Variants in ARHGAP24 observed in about 807,000 individuals in gnomAD.
The protein encoded by ARHGAP24 is Rho GTPase activating protein 24.
A neutral mutation model predicts 76.4 loss-of-function variants in ARHGAP24; 50 were observed. That is an observed-to-expected ratio of 0.65 (90% CI 0.52 to 0.83). The LOEUF (loss-of-function observed/expected upper bound fraction) is 0.83, where lower values mean the gene tolerates loss of function less well. Among genes scored for constraint, ARHGAP24 ranks in the 40% least tolerant of loss-of-function variants. ARHGAP24 has a pLI of 0.00. For missense variants in ARHGAP24, 930 were observed against 914.2 expected (o/e 1.02, Z -0.22); for synonymous variants, 345 against 323.3 (o/e 1.07, Z -0.72).
chr4:85,587,106 T>C (rs1363685677), intron 2 of ARHGAP24, among the ~76,000 whole-genome samples: 14 of 152,180 alleles, frequency 9.2e-5, no homozygotes, highest in Admixed American at 9.2e-4. Context: ...TAAAAAGTAC[T>C]CATAGAAACT....
intron 5 of ARHGAP24, among the ~76,000 whole-genome samples, chr4:85,970,794 C>T (rs1738925594): frequency 6.6e-6 from 1 of 152,120 alleles, no homozygotes. Context: ...TTCACTACTA[C>T]TCTTCCCGGT....
chr4:85,654,293 G>A (rs1386351951), intron 2 of ARHGAP24, among the ~76,000 whole-genome samples: 1 of 152,016 alleles, frequency 6.6e-6, no homozygotes, highest in Admixed American at 6.6e-5. Context: ...TCTTCTCTGA[G>A]GACCCAGTCC....
chr4:86,000,325 C>G, intron 9 of ARHGAP24, 154 bp from the exon 10 acceptor site: 1 of 656,794 alleles, frequency 1.5e-6, no homozygotes, highest in Non-Finnish European at 2.7e-6. Context: ...AAAATTACAT[C>G]CTTTAAATCA....
intron 2 of ARHGAP24, among the ~76,000 whole-genome samples, chr4:85,679,592 A>G (rs1231420626): frequency 1.3e-5 from 2 of 152,052 alleles, no homozygotes; most frequent in Admixed American, 6.6e-5. Context: ...GCACCTCCAC[A>G]TTACACATTT....
intron 9 of ARHGAP24, 133 bp downstream of exon 9, chr4:85,995,790 G>A (rs1740628040): frequency 1.1e-6 from 1 of 887,360 alleles, no homozygotes; most frequent in African/African-American, 1.7e-5. Flanking sequence ...TCATTTATGA[G>A]CTTTGTGACT....
At chr4:85,984,252 G>A (rs1342565478) in intron 8 of ARHGAP24, among the ~76,000 whole-genome samples, 1 of 152,204 alleles carries the variant, frequency 6.6e-6, no homozygotes, top group East Asian at 1.9e-4. Context: ...GTGGGTGAGT[G>A]TCTTAGTCCA....
At chr4:85,690,620 C>G (rs2110017326) in intron 2 of ARHGAP24, among the ~76,000 whole-genome samples, 1 of 151,620 alleles carries the variant, frequency 6.6e-6, no homozygotes, top group East Asian at 1.9e-4. Flanking sequence ...ATAGTAGTCT[C>G]TGAGGATCTT....
intron 1 of ARHGAP24, among the ~76,000 whole-genome samples, chr4:85,486,894 G>A (rs114919558): frequency 5.9e-4 from 89 of 151,646 alleles, no homozygotes; most frequent in Non-Finnish European, 1.0e-3. Flanking sequence ...AGTTCCTATC[G>A]CTCCTCCTGA....
In ARHGAP24 at chr4:85,612,324, G is replaced by A. The variant is rs895910829; in HGVS notation, c.180+41603G>A. Reference sequence around the variant, plus strand: ...CCCAGCTACTCGGGAGGCTGAGGCAGGAGAATGGCGTGAACCTAGGAGTTC... The same window carrying A: ...CCCAGCTACTCGGGAGGCTGAGGCAAGAGAATGGCGTGAACCTAGGAGTTC... On this transcript the variant is annotated intron_variant, in intron 2 of 9. Coordinates refer to ENST00000395184, the MANE Select transcript of ARHGAP24 (RefSeq NM_001025616.3). Among the ~76,000 whole-genome samples the A allele has an allele frequency of 7.0e-5, 9 of 128,834 alleles. No individual in the cohort carries two copies. The East Asian group carries it at 3.0e-3, about 44-fold the overall frequency. The allele number at this position is 128,834 out of a possible 152,430, so 84.5% of individuals were successfully genotyped here. A position where few individuals can be genotyped will look rare whatever the true frequency, so the allele number is the denominator to read the frequency against.
chr4:85,759,206 A>G lies in ARHGAP24; in HGVS notation c.268+37234A>G, dbSNP rs1726640455. On this transcript the variant is annotated intron_variant, in intron 3 of 9. Transcript: ENST00000395184. ...GACCCCTTGCATTCAAATCACAAAC[A>G]GTGAAATCATACAATAATAACTTTA... 3.3e-5 allele frequency among the ~76,000 whole-genome samples: 5 copies of G among 152,224 alleles called. No individual in the cohort carries two copies. In the South Asian group the frequency reaches 1.0e-3, roughly 32 times the overall value.
intron 2 of ARHGAP24, among the ~76,000 whole-genome samples, chr4:85,688,624 C>T (rs1723517440): frequency 6.6e-6 from 1 of 152,026 alleles, no homozygotes; most frequent in South Asian, 2.1e-4. Flanking sequence ...CTTTTGAGGA[C>T]TTAGCCAAAA....
intron 3 of ARHGAP24, among the ~76,000 whole-genome samples, chr4:85,905,816 T>C (rs1322518575): frequency 1.3e-5 from 2 of 152,142 alleles, no homozygotes; most frequent in African/African-American, 2.4e-5. Flanking sequence ...CAAAAAAAAC[T>C]TTATATGCTT....
intron 1 of ARHGAP24, among the ~76,000 whole-genome samples, chr4:85,476,837 C>T (rs1722618958): frequency 6.6e-6 from 1 of 151,956 alleles, no homozygotes; most frequent in Middle Eastern, 3.2e-3. Context: ...GAAGATCTCA[C>T]TCCCCCTTTT....
At chr4:85,478,015 T>C (rs1722670334) in intron 1 of ARHGAP24, among the ~76,000 whole-genome samples, 1 of 152,138 alleles carries the variant, frequency 6.6e-6, no homozygotes, top group African/African-American at 2.4e-5. Flanking sequence ...TACAAGTGGG[T>C]GCTTTGGAAA....
chr4:85,786,885 T>C (rs1003827570), intron 3 of ARHGAP24, among the ~76,000 whole-genome samples: 1 of 152,216 alleles, frequency 6.6e-6, no homozygotes, highest in African/African-American at 2.4e-5. Context: ...TCTGGAATCA[T>C]TACTTCTGAA....
At chr4:85,870,697 T>C (rs979867498) in intron 3 of ARHGAP24, among the ~76,000 whole-genome samples, 23 of 152,102 alleles carry the variant, frequency 1.5e-4, no homozygotes, top group Non-Finnish European at 3.1e-4. Flanking sequence ...TCTGAGTATA[T>C]ATATAAAACC....
chr4:85,791,212 T>C (rs1728105735), intron 3 of ARHGAP24, among the ~76,000 whole-genome samples: 1 of 152,172 alleles, frequency 6.6e-6, no homozygotes, highest in African/African-American at 2.4e-5. Context: ...TAAATGTCCA[T>C]ATTGTGGGCA....
intron 3 of ARHGAP24, among the ~76,000 whole-genome samples, chr4:85,819,517 A>T (rs1378102132): frequency 6.6e-6 from 1 of 152,198 alleles, no homozygotes; most frequent in Non-Finnish European, 1.5e-5. Flanking sequence ...TCTCTGTTGA[A>T]ATGTACAATG....
At chr4:85,865,785 G>T (rs567732373) in intron 3 of ARHGAP24, among the ~76,000 whole-genome samples, 34 of 151,836 alleles carry the variant, frequency 2.2e-4, no homozygotes, top group Non-Finnish European at 4.7e-4. Flanking sequence ...TTTATAGAAG[G>T]CATCTGTAAT....
Sources: gnomAD v4.1 joint callset for allele counts (sites outside exome capture counted in the v4.1 genomes callset) on GRCh38, gnomAD v4.1.1 for gene constraint, MANE v1.5 for transcripts, NCBI Gene and HGNC (gene_info 2026-07-23, HGNC 2026-07-21) for gene names.